HHAT: variants seen among roughly 807,000 people sequenced by gnomAD.
The protein encoded by HHAT is hedgehog acyltransferase.
HHAT carries 47 observed loss-of-function variants against 70.8 expected under a neutral mutation model. The observed-to-expected ratio is 0.66, with a 90% CI of 0.53 to 0.85. The LOEUF is 0.85. HHAT is among the 40% of genes least tolerant of loss of function. The pLI, the probability that HHAT is intolerant of heterozygous loss-of-function variation, is 0.00. For missense variants in HHAT, 609 were observed against 604.8 expected (o/e 1.01, Z -0.07); for synonymous variants, 228 against 247.6 (o/e 0.92, Z 0.74).
chr1:210,385,667 A>G (rs914686989), intron 3 of HHAT, among the ~76,000 whole-genome samples: 2 of 152,186 alleles, frequency 1.3e-5, no homozygotes, highest in African/African-American at 4.8e-5. Flanking sequence ...GCAGTATTGT[A>G]TTTCCTTATT....
At chr1:210,441,089 G>A (rs773567233) in intron 7 of HHAT, among the ~76,000 whole-genome samples, 20 of 152,304 alleles carry the variant, frequency 1.3e-4, no homozygotes, top group Non-Finnish European at 2.6e-4. Flanking sequence ...TAGCCACTGC[G>A]TGCTGCCACT....
At chr1:210,366,955 T>C (rs145531607) in intron 3 of HHAT, among the ~76,000 whole-genome samples, 1 of 152,320 alleles carries the variant, frequency 6.6e-6, no homozygotes, top group Non-Finnish European at 1.5e-5. Context: ...CTTTACTTCC[T>C]TCCACAAATA....
intron 1 of HHAT, among the ~76,000 whole-genome samples, chr1:210,343,911 A>C (rs1319686557): frequency 6.6e-6 from 1 of 152,182 alleles, no homozygotes; most frequent in African/African-American, 2.4e-5. Context: ...GTAACTACTA[A>C]TGTTTGTTGA....
intron 3 of HHAT, among the ~76,000 whole-genome samples, chr1:210,372,815 C>G (rs1038689798): frequency 4.0e-5 from 6 of 150,716 alleles, no homozygotes; most frequent in Middle Eastern, 3.2e-3. Flanking sequence ...CTGGCTCAGC[C>G]TCCCAAAGTG....
chr1:210,564,675 T>C (rs978718803), intron 9 of HHAT, among the ~76,000 whole-genome samples: 2 of 152,116 alleles, frequency 1.3e-5, no homozygotes, highest in African/African-American at 2.4e-5. Flanking sequence ...AAAGCAGAAA[T>C]TATCTAAAGA....
intron 7 of HHAT, among the ~76,000 whole-genome samples, chr1:210,445,037 A>G (rs961665403): frequency 6.6e-6 from 1 of 151,932 alleles, no homozygotes; most frequent in Non-Finnish European, 1.5e-5. Flanking sequence ...ACGGGGTTTC[A>G]CCATGTTGGT....
chr1:210,623,518 T>TC lies in HHAT; in HGVS notation c.1246-5dup, dbSNP rs755175183. 3.1e-6 allele frequency: 5 copies of TC among 1,613,786 alleles called. No homozygotes were observed. The highest frequency in any genetic ancestry group is 1.1e-5 in the South Asian group (1 of 90,998). On this transcript the variant is annotated splice_region_variant and splice_polypyrimidine_tract_variant and intron_variant, in intron 10 of 11. Coordinates refer to ENST00000261458, the MANE Select transcript of HHAT (RefSeq NM_018194.6). ...TCATGAGATGCTTTCTTGCCATTTTTCCCGTAGGCCCGATACTTCTCCCCA... is the reference window on the plus strand; with the variant it reads ...TCATGAGATGCTTTCTTGCCATTTTTCCCCGTAGGCCCGATACTTCTCCCCA...
chr1:210,371,741 G>A (rs139251775), intron 3 of HHAT, among the ~76,000 whole-genome samples: 31 of 152,274 alleles, frequency 2.0e-4, no homozygotes, highest in African/African-American at 6.7e-4. Flanking sequence ...CCTAACCTCT[G>A]TAAACTCACC....
At chr1:210,521,626 T>C (rs2095159578) in intron 9 of HHAT, among the ~76,000 whole-genome samples, 1 of 152,164 alleles carries the variant, frequency 6.6e-6, no homozygotes, top group African/African-American at 2.4e-5. Flanking sequence ...TCACCATCAT[T>C]TGAAGTGTTT....
chr1:210,671,565 C>G (rs866195796), intron 11 of HHAT, among the ~76,000 whole-genome samples: 1 of 152,108 alleles, frequency 6.6e-6, no homozygotes, highest in Admixed American at 6.5e-5. Flanking sequence ...TTTGGAGTAG[C>G]CTTTAAATCC....
At chr1:210,507,233 A>G (rs1234032894) in intron 8 of HHAT, among the ~76,000 whole-genome samples, 1 of 152,200 alleles carries the variant, frequency 6.6e-6, no homozygotes, top group Non-Finnish European at 1.5e-5. Flanking sequence ...GAGAATATAC[A>G]GAGTGCTTAG....
intron 9 of HHAT, among the ~76,000 whole-genome samples, chr1:210,580,129 T>G (rs1037335593): frequency 2.0e-5 from 3 of 152,196 alleles, no homozygotes; most frequent in Non-Finnish European, 4.4e-5. Flanking sequence ...CAGAATTGCA[T>G]ATGAAGCTTA....
chr1:210,478,862 T>G (rs1169747621), intron 8 of HHAT, among the ~76,000 whole-genome samples: 3 of 152,088 alleles, frequency 2.0e-5, no homozygotes, highest in Non-Finnish European at 4.4e-5. Context: ...CATGAAATGT[T>G]TTTCTGGTGC....
intron 8 of HHAT, among the ~76,000 whole-genome samples, chr1:210,476,084 C>CT (rs149638594): frequency 0.014 from 2,068 of 152,296 alleles, 54 homozygotes; most frequent in African/African-American, 0.047. Flanking sequence ...TTTGCGTATT[C>CT]TGTAGCACTG....
chr1:210,616,710 G>A (rs968007572), intron 10 of HHAT, among the ~76,000 whole-genome samples: 9 of 152,130 alleles, frequency 5.9e-5, no homozygotes, highest in African/African-American at 2.2e-4. Context: ...TGTAGTAGGA[G>A]CATGAAGATA....
chr1:210,397,539 G>C (rs2091857375), intron 4 of HHAT, among the ~76,000 whole-genome samples: 1 of 145,452 alleles, frequency 6.9e-6, no homozygotes, highest in Non-Finnish European at 1.5e-5. Context: ...TGTTGTTTTG[G>C]AACAAAATGC....
chr1:210,672,683 G>A (rs996356046), intron 11 of HHAT, among the ~76,000 whole-genome samples: 2 of 152,120 alleles, frequency 1.3e-5, no homozygotes, highest in African/African-American at 4.8e-5. Flanking sequence ...GTTTGAGTAA[G>A]TGAAACATGC....
chr1:210,378,977 C>T (rs1325637330), intron 3 of HHAT, among the ~76,000 whole-genome samples: 1 of 152,176 alleles, frequency 6.6e-6, no homozygotes, highest in Non-Finnish European at 1.5e-5. Context: ...GAATCTATTG[C>T]AGTTATTTTA....
chr1:210,673,957 C>CTTTTTTTT (rs1318957937), intron 11 of HHAT, among the ~76,000 whole-genome samples: 1 of 141,538 alleles, frequency 7.1e-6, no homozygotes, highest in East Asian at 2.1e-4. Flanking sequence ...TGCCCTATTT[C>CTTTTTTTT]TTTTTTTTTT....
Sources: gnomAD v4.1 joint callset for allele counts (sites outside exome capture counted in the v4.1 genomes callset) on GRCh38, gnomAD v4.1.1 for gene constraint, MANE v1.5 for transcripts, NCBI Gene and HGNC (gene_info 2026-07-23, HGNC 2026-07-21) for gene names.